Variants in PDIA5 observed in about 807,000 individuals in gnomAD.
PDIA5 encodes protein disulfide isomerase family A member 5.
In PDIA5, 58 loss-of-function variants were observed where a neutral mutation model predicts 77.6. The ratio of observed to expected loss-of-function variants is 0.75; its 90% CI spans 0.61 to 0.93. The LOEUF (loss-of-function observed/expected upper bound fraction) is 0.93, where lower values mean the gene tolerates loss of function less well. Ranked by LOEUF, PDIA5 falls within the 40% of genes least tolerant of loss-of-function variation. The pLI is 0.00. For missense variants in PDIA5, 630 were observed against 647.7 expected, an observed-to-expected ratio of 0.97 and a Z score of 0.30; for synonymous variants, 250 against 252.1, an observed-to-expected ratio of 0.99 and a Z score of 0.08.
chr3:123,154,926 G>T (rs1334655759), intron 14 of PDIA5, 45 bp from the exon 15 acceptor site: 1 of 1,310,240 alleles, frequency 7.6e-7, no homozygotes, highest in Non-Finnish European at 1.1e-6. Flanking sequence ...CAGCCTCCCT[G>T]CACATGCATC....
In PDIA5 at chr3:123,150,520, G is replaced by A. The variant is rs1935866684; in HGVS notation, c.1273+156G>A. Among the ~76,000 whole-genome samples, 3 of 152,116 alleles carry A rather than the reference G, an allele frequency of 2.0e-5. 1 individual carries two copies. The highest frequency in any genetic ancestry group is 2.0e-4 in the Admixed American group (3 of 15,276). On this transcript the variant is annotated intron_variant, in intron 14 of 16. Coordinates refer to ENST00000316218, the MANE Select transcript of PDIA5 (RefSeq NM_006810.4). The stretch of plus-strand genomic sequence containing the variant: ...ACCAGGCTCTCCAATTTTATTCCAG[G>A]CTAAGAGGTCCTTCAAATCCAGGGC...
At chr3:123,076,353 A>T (rs1369447863) in intron 1 of PDIA5, among the ~76,000 whole-genome samples, 2 of 152,050 alleles carry the variant, frequency 1.3e-5, no homozygotes, top group African/African-American at 4.8e-5. Context: ...GCCTATAAAC[A>T]CTCATTGTTT....
Position 123,089,285 on chromosome 3 carries a change from T to C in PDIA5, c.160T>C (p.Ser54Pro). 1 of 1,614,100 alleles carries C rather than the reference T, an allele frequency of 6.2e-7. No individual in the cohort carries two copies. Among genetic ancestry groups the C allele is most frequent in the South Asian group, 1.1e-5 (1 of 91,062 alleles). The change falls in exon 2 of 17, where the codon TCC (serine) becomes CCC (proline). Residue 54 changes from serine to proline, a missense_variant. Transcript: ENST00000316218. ...RTRNNVLVLY[S>P]KSEVAAENHL... ...CCGGAATAATGTACTGGTGCTTTAC[T>C]CCAAATCTGGTGAGTGTCCCTTCCT...
intron 11 of PDIA5, among the ~76,000 whole-genome samples, chr3:123,136,149 G>C (rs1009200301): frequency 6.6e-6 from 1 of 151,964 alleles, no homozygotes; most frequent in African/African-American, 2.4e-5. Context: ...TGCTCAGGCT[G>C]GTCTTGAACT....
At chr3:123,107,435 A>G (rs9878571) in intron 6 of PDIA5, among the ~76,000 whole-genome samples, 28,439 of 152,162 alleles carry the variant, frequency 0.19, 3,057 homozygotes, top group Admixed American at 0.31. Flanking sequence ...GGTGCCTGTG[A>G]TCCCAGCTAC....
intron 1 of PDIA5, among the ~76,000 whole-genome samples, chr3:123,072,979 G>A (rs1308294505): frequency 1.3e-5 from 2 of 148,284 alleles, no homozygotes. Flanking sequence ...TGGCATCTTA[G>A]GTCCCAACGG....
At chr3:123,140,228 T>C (rs1321007856) in intron 11 of PDIA5, among the ~76,000 whole-genome samples, 1 of 152,088 alleles carries the variant, frequency 6.6e-6, no homozygotes, top group Non-Finnish European at 1.5e-5. Context: ...AGCCAGAGGC[T>C]GCAGTAGAAG....
At chr3:123,093,921 C>T (rs1349592566) in intron 3 of PDIA5, among the ~76,000 whole-genome samples, 1 of 152,242 alleles carries the variant, frequency 6.6e-6, no homozygotes, top group Non-Finnish European at 1.5e-5. Flanking sequence ...GCCCCCAGAA[C>T]TGCCTGTGGA....
intron 2 of PDIA5, 134 bp from the exon 3 acceptor site, chr3:123,092,221 T>A: frequency 1.5e-6 from 1 of 679,770 alleles, no homozygotes; most frequent in Non-Finnish European, 2.6e-6. Flanking sequence ...GGGATGGGTG[T>A]TTTACCTGGT....
chr3:123,155,549 C>T lies in PDIA5; in HGVS notation c.1344+508C>T, dbSNP rs181079136. Among the ~76,000 whole-genome samples the T allele has an allele frequency of 2.2e-3, 333 of 152,322 alleles. 1 individual carries two copies. Among genetic ancestry groups the T allele is most frequent in the African/African-American group, 6.6e-3 (275 of 41,576 alleles). On this transcript the variant is annotated intron_variant, in intron 15 of 16. Coordinates refer to ENST00000316218, the MANE Select transcript of PDIA5 (RefSeq NM_006810.4). ...GAGTGCAGGGCCTCCAGGCGCGTCC[C>T]CCAGGCACATCCCCCAGGCAGCTGG... is the stretch of plus-strand genomic sequence containing the variant.
intron 12 of PDIA5, 23 bp from the exon 13 acceptor site, chr3:123,146,076 G>C: frequency 6.2e-7 from 1 of 1,612,640 alleles, no homozygotes; most frequent in Non-Finnish European, 8.5e-7. Flanking sequence ...TGTAATGCAT[G>C]GTTGGCCTTT....
intron 3 of PDIA5, 62 bp from the exon 4 acceptor site, chr3:123,102,349 G>A: frequency 7.9e-7 from 1 of 1,259,186 alleles, no homozygotes; most frequent in Non-Finnish European, 1.2e-6. Flanking sequence ...AGCAGATTTT[G>A]CTGTCAACAC....
At chr3:123,097,877 C>T (rs950743611) in intron 3 of PDIA5, among the ~76,000 whole-genome samples, 12 of 152,052 alleles carry the variant, frequency 7.9e-5, no homozygotes, top group South Asian at 2.1e-4. Context: ...CTGGGGTAGT[C>T]GTGGGCACAA....
Position 123,161,461 on chromosome 3 carries a change from T to C in PDIA5, c.1479+6T>C. ...AGTATGACAGCGACCGCACAGTAAG[T>C]GGGGGAGAGGCGTCTGCCCAGAGCT... On this transcript the variant is annotated splice_donor_region_variant and intron_variant, in intron 16 of 16. Transcript: ENST00000316218. 1 of 1,613,096 alleles carries C rather than the reference T, an allele frequency of 6.2e-7. No individual in the cohort carries two copies. The highest frequency in any genetic ancestry group is 1.1e-5 in the South Asian group (1 of 90,970).
intron 10 of PDIA5, 99 bp from the exon 11 acceptor site, chr3:123,130,381 C>T: frequency 7.4e-7 from 1 of 1,353,840 alleles, no homozygotes. Context: ...GTGGGCCGTC[C>T]CGAGCCCATG....
At chr3:123,074,901 A>G (rs1933812003) in intron 1 of PDIA5, among the ~76,000 whole-genome samples, 2 of 152,246 alleles carry the variant, frequency 1.3e-5, no homozygotes, top group African/African-American at 4.8e-5. Context: ...TTTTAGTATC[A>G]TACTGGAGTA....
At chr3:123,147,849 T>C (rs1443403282) in intron 13 of PDIA5, among the ~76,000 whole-genome samples, 1 of 152,146 alleles carries the variant, frequency 6.6e-6, no homozygotes, top group African/African-American at 2.4e-5. Context: ...TGGAAAGGAC[T>C]GGGTGGGGCG....
intron 8 of PDIA5, among the ~76,000 whole-genome samples, chr3:123,117,020 G>A (rs956339064): frequency 3.3e-5 from 5 of 151,476 alleles, no homozygotes; most frequent in Non-Finnish European, 5.9e-5. Context: ...GTGTTGTGGG[G>A]GAGAAGAGAG....
At chr3:123,094,116 T>C (rs1934371855) in intron 3 of PDIA5, among the ~76,000 whole-genome samples, 1 of 152,256 alleles carries the variant, frequency 6.6e-6, no homozygotes, top group Non-Finnish European at 1.5e-5. Context: ...TGAATTTCGA[T>C]GTGCTCAAAT....
Sources: gnomAD v4.1 joint callset for allele counts (sites outside exome capture counted in the v4.1 genomes callset) on GRCh38, gnomAD v4.1.1 for gene constraint, MANE v1.5 for transcripts, NCBI Gene and HGNC (gene_info 2026-07-23, HGNC 2026-07-21) for gene names.